GTF2IRD1: variants seen among roughly 807,000 people sequenced by gnomAD.
GTF2IRD1 encodes GTF2I repeat domain containing 1.
A neutral mutation model predicts 113.2 loss-of-function variants in GTF2IRD1; 26 were observed. That is an observed-to-expected ratio of 0.23 (90% CI 0.17 to 0.32). The LOEUF (loss-of-function observed/expected upper bound fraction) is 0.32, where lower values mean the gene tolerates loss of function less well. Among genes scored for constraint, GTF2IRD1 ranks in the 10% least tolerant of loss-of-function variants. The pLI, the probability that GTF2IRD1 is intolerant of heterozygous loss-of-function variation, is 1.00. For synonymous variants in GTF2IRD1, 484 were observed against 529.1 expected (o/e 0.91, Z 1.17); for missense variants, 864 against 1,280.8 (o/e 0.67, Z 4.97).
chr7:74,515,661 C>G, intron 4 of GTF2IRD1, 65 bp downstream of exon 4: 2 of 1,465,888 alleles, frequency 1.4e-6, no homozygotes, highest in East Asian at 2.3e-5. Context: ...CCCCACCCAG[C>G]AGAGGGGGCC....
chr7:74,599,248 T>C (rs1158471133), intron 25 of GTF2IRD1, among the ~76,000 whole-genome samples: 3 of 152,138 alleles, frequency 2.0e-5, no homozygotes, highest in African/African-American at 4.8e-5. Flanking sequence ...CACTCCAGCA[T>C]GGGTGACAGA....
At position 74,500,763 on chromosome 7, in the gene GTF2IRD1, G is replaced by A. The variant is rs527976823; in HGVS notation, c.-6-7312G>A. ...TTTGGAGGCAGGGTCTTGCTCTGTC[G>A]CCCAGGCTGGAGTGCAACGGCATGA... On this transcript the variant is annotated intron_variant, in intron 1 of 26. Coordinates refer to ENST00000424337, the MANE Select transcript of GTF2IRD1 (RefSeq NM_005685.4). 5.9e-5 allele frequency among the ~76,000 whole-genome samples: 9 copies of A among 152,030 alleles called. No individual in the cohort carries two copies. In the East Asian group the frequency reaches 7.7e-4, roughly 13 times the overall value.
chr7:74,516,143 C>T (rs1051940101), intron 4 of GTF2IRD1, among the ~76,000 whole-genome samples: 29 of 152,180 alleles, frequency 1.9e-4, no homozygotes, highest in African/African-American at 6.3e-4. Flanking sequence ...CTGGACTTCG[C>T]GCTGTTACAT....
intron 8 of GTF2IRD1, among the ~76,000 whole-genome samples, chr7:74,524,977 C>T (rs1229032790): frequency 3.9e-5 from 6 of 152,148 alleles, no homozygotes; most frequent in African/African-American, 1.4e-4. Flanking sequence ...GTTGAGGCTA[C>T]AGTGAGCTAC....
intron 22 of GTF2IRD1, among the ~76,000 whole-genome samples, chr7:74,587,347 C>T (rs377292910): frequency 4.6e-5 from 7 of 151,798 alleles, no homozygotes; most frequent in East Asian, 3.9e-4. Context: ...AGGAGGCTGA[C>T]GCAGGAGAAT....
intron 8 of GTF2IRD1, among the ~76,000 whole-genome samples, chr7:74,527,492 A>G (rs1327937110): frequency 1.3e-5 from 2 of 152,114 alleles, no homozygotes; most frequent in Non-Finnish European, 2.9e-5. Flanking sequence ...CTGTCTCTGA[A>G]AAAGAAAGAA....
At chr7:74,461,669 C>T (rs916056029) in intron 1 of GTF2IRD1, among the ~76,000 whole-genome samples, 8 of 152,150 alleles carry the variant, frequency 5.3e-5, no homozygotes, top group Admixed American at 4.6e-4. Context: ...ACCTCTGCCT[C>T]CCGGGTTCAA....
intron 15 of GTF2IRD1, 30 bp downstream of exon 15, chr7:74,544,832 C>T (rs1798832758): frequency 3.2e-6 from 5 of 1,574,920 alleles, no homozygotes; most frequent in Middle Eastern, 1.7e-4. Flanking sequence ...TGACATTTTA[C>T]ACCCACCCCC....
chr7:74,602,539 G>A lies in GTF2IRD1; in HGVS notation c.*106G>A. ...ATCGATGCCTTTTAGTTTTTCCAAT[G>A]ATTTTTACACTATATTCCTGCCACC... is the stretch of plus-strand genomic sequence containing the variant. On this transcript the variant is annotated 3_prime_UTR_variant, in exon 27 of 27. Transcript: ENST00000424337. 2.5e-6 allele frequency: 2 copies of A among 805,258 alleles called. No homozygotes were observed. The highest frequency in any genetic ancestry group is 2.1e-5 in the South Asian group (1 of 47,522). The allele number at this position is 805,258 out of a possible 1,614,324, so 49.9% of individuals were successfully genotyped here.
chr7:74,496,380 G>C (rs568796233), intron 1 of GTF2IRD1, among the ~76,000 whole-genome samples: 11 of 147,160 alleles, frequency 7.5e-5, no homozygotes, highest in Non-Finnish European at 1.6e-4. Context: ...GTGCATATAT[G>C]TGTGTGATAT....
intron 1 of GTF2IRD1, among the ~76,000 whole-genome samples, chr7:74,469,849 A>T (rs1793977570): frequency 6.6e-6 from 1 of 150,376 alleles, no homozygotes; most frequent in African/African-American, 2.5e-5. Context: ...GACTGCAGGC[A>T]CCAAGCCACC....
intron 22 of GTF2IRD1, among the ~76,000 whole-genome samples, chr7:74,560,216 C>T (rs142236290): frequency 0.014 from 2,149 of 152,224 alleles, 51 homozygotes; most frequent in African/African-American, 0.049. Context: ...CTAAGTTTTA[C>T]CCAGTCTGGG....
At chr7:74,580,283 G>C (rs1258696875) in intron 22 of GTF2IRD1, among the ~76,000 whole-genome samples, 1 of 152,148 alleles carries the variant, frequency 6.6e-6, no homozygotes, top group Non-Finnish European at 1.5e-5. Flanking sequence ...TTCAGGAGGG[G>C]AGAGAAGGAC....
At chr7:74,561,355 A>G (rs1554359036) in intron 22 of GTF2IRD1, among the ~76,000 whole-genome samples, 1 of 148,876 alleles carries the variant, frequency 6.7e-6, no homozygotes, top group East Asian at 2.1e-4. Flanking sequence ...TCAAAAAAAA[A>G]AAAAAAAAAA....
chr7:74,540,157 T>G (rs1169362952), intron 14 of GTF2IRD1, among the ~76,000 whole-genome samples, 189 bp downstream of exon 14: 1 of 152,128 alleles, frequency 6.6e-6, no homozygotes, highest in Non-Finnish European at 1.5e-5. Context: ...CTCTATTTAT[T>G]TATTTAGAGA....
chr7:74,574,684 C>T (rs1337903094), intron 22 of GTF2IRD1, among the ~76,000 whole-genome samples: 1 of 151,360 alleles, frequency 6.6e-6, no homozygotes, highest in Admixed American at 6.6e-5. Context: ...TGGTCTGGAA[C>T]TCCTGGGCTC....
intron 9 of GTF2IRD1, among the ~76,000 whole-genome samples, chr7:74,533,513 T>C (rs1334380134): frequency 1.3e-5 from 2 of 152,114 alleles, no homozygotes; most frequent in African/African-American, 4.8e-5. Context: ...TCCAATACAT[T>C]CTCTGATAAT....
chr7:74,531,402 C>T (rs144114050), intron 9 of GTF2IRD1, among the ~76,000 whole-genome samples: 14 of 152,212 alleles, frequency 9.2e-5, no homozygotes, highest in Non-Finnish European at 1.6e-4. Context: ...ATAACCAGGC[C>T]TGATAATTGT....
chr7:74,513,232 A>G (rs1796736805), intron 3 of GTF2IRD1, among the ~76,000 whole-genome samples: 1 of 152,240 alleles, frequency 6.6e-6, no homozygotes, highest in Non-Finnish European at 1.5e-5. Flanking sequence ...ACCAAGGCCA[A>G]GGCTGCTGCT....
Sources: allele counts gnomAD v4.1 joint callset (sites outside exome capture counted in the v4.1 genomes callset), GRCh38; gene constraint gnomAD v4.1.1; transcripts MANE v1.5; gene names NCBI Gene and HGNC (gene_info 2026-07-23, HGNC 2026-07-21).